The following SLC22A15 variants were observed in gnomAD, a reference collection of about 807,000 sequenced individuals.
SLC22A15 encodes solute carrier family 22 member 15.
A neutral mutation model predicts 62.7 loss-of-function variants in SLC22A15; 45 were observed. That is an observed-to-expected ratio of 0.72 (90% CI 0.56 to 0.92). SLC22A15 has a LOEUF of 0.92. SLC22A15 is among the 40% of genes least tolerant of loss of function. The pLI is 0.00. For synonymous variants in SLC22A15, 264 were observed against 267.0 expected (o/e 0.99, Z 0.11); for missense variants, 622 against 665.6 (o/e 0.93, Z 0.72).
chr1:116,045,751 A>AAAG (rs1231416994), intron 8 of SLC22A15, among the ~76,000 whole-genome samples: 1 of 151,566 alleles, frequency 6.6e-6, no homozygotes, highest in Non-Finnish European at 1.5e-5. Flanking sequence ...AAAAAAAAAA[A>AAAG]AAAAAAGACT....
intron 8 of SLC22A15, among the ~76,000 whole-genome samples, chr1:116,058,007 T>C (rs937134800): frequency 2.0e-5 from 3 of 151,252 alleles, no homozygotes; most frequent in Non-Finnish European, 2.9e-5. Flanking sequence ...TGTATACATA[T>C]GTAACTAACC....
At chr1:116,042,591 A>G (rs1382390321) in intron 8 of SLC22A15, among the ~76,000 whole-genome samples, 5 of 152,230 alleles carry the variant, frequency 3.3e-5, no homozygotes, top group Admixed American at 3.3e-4. Context: ...ATGCTTTGCA[A>G]ATTTGATAAA....
chr1:116,017,700 G>A (rs1249207025), intron 2 of SLC22A15: 1 of 152,428 alleles, frequency 6.6e-6, no homozygotes. Flanking sequence ...GGAGTGATCT[G>A]AAAAGTGGAG....
chr1:115,976,932 G>C (rs1654330071), intron 1 of SLC22A15, among the ~76,000 whole-genome samples: 1 of 152,108 alleles, frequency 6.6e-6, no homozygotes, highest in Non-Finnish European at 1.5e-5. Flanking sequence ...AGAGCCTCTT[G>C]GGTTCTGCTG....
intron 2 of SLC22A15, among the ~76,000 whole-genome samples, chr1:116,018,395 C>T (rs573672707): frequency 3.3e-5 from 5 of 152,146 alleles, no homozygotes; most frequent in South Asian, 4.2e-4. Flanking sequence ...GACGGAGTCT[C>T]GCTCTGTCTC....
chr1:115,982,303 A>T (rs1328662522), intron 1 of SLC22A15, among the ~76,000 whole-genome samples: 2 of 152,240 alleles, frequency 1.3e-5, no homozygotes, highest in East Asian at 3.8e-4. Context: ...AAGAGAAAAT[A>T]TAGAAATTAA....
In SLC22A15 at chr1:116,066,715, T is replaced by C; in HGVS notation, c.1554+7T>C. ...GGCTTTGGACCCCCAACAGGTGTGA[T>C]ATTTTTCTTAATTATTATACCGCTT... On this transcript the variant is annotated splice_region_variant and intron_variant, in intron 11 of 11. Coordinates refer to ENST00000369503, the MANE Select transcript of SLC22A15 (RefSeq NM_018420.3). 1.2e-6 allele frequency: 2 copies of C among 1,606,468 alleles called. No homozygotes were observed. The highest frequency in any genetic ancestry group is 1.7e-6 in the Non-Finnish European group (2 of 1,176,958).
At chr1:116,011,069 C>T (rs1053047969) in intron 2 of SLC22A15, among the ~76,000 whole-genome samples, 1 of 152,254 alleles carries the variant, frequency 6.6e-6, no homozygotes, top group African/African-American at 2.4e-5. Flanking sequence ...TGTGTTGGGA[C>T]TAGTGAACTA....
chr1:116,049,484 C>T (rs1658000861), intron 8 of SLC22A15, among the ~76,000 whole-genome samples: 1 of 152,146 alleles, frequency 6.6e-6, no homozygotes, highest in Admixed American at 6.5e-5. Flanking sequence ...ATTAAATAAC[C>T]TGCTCCTGAA....
chr1:116,063,986 C>G (rs566350988), intron 9 of SLC22A15, among the ~76,000 whole-genome samples: 1 of 152,170 alleles, frequency 6.6e-6, no homozygotes, highest in East Asian at 1.9e-4. Flanking sequence ...AAATGAGCAG[C>G]CTTTTCAGAT....
At chr1:116,059,866 C>T (rs1294112137) in intron 8 of SLC22A15, among the ~76,000 whole-genome samples, 2 of 152,182 alleles carry the variant, frequency 1.3e-5, no homozygotes, top group Non-Finnish European at 2.9e-5. Context: ...TCTGGAAAAC[C>T]TTCCAGAAAA....
intron 1 of SLC22A15, among the ~76,000 whole-genome samples, chr1:115,984,567 T>G (rs1478947973): frequency 2.0e-5 from 3 of 152,312 alleles, no homozygotes; most frequent in South Asian, 4.1e-4. Flanking sequence ...TTGCCTAGTA[T>G]TTCCTGTGCT....
chr1:116,019,560 C>T (rs755419772), intron 2 of SLC22A15, 22 bp from the exon 3 acceptor site: 8 of 1,577,790 alleles, frequency 5.1e-6, no homozygotes, highest in South Asian at 1.2e-5. Context: ...ACATGTCTCT[C>T]TTTTGTTTTA....
rs1202882343 is a variant in SLC22A15, at chr1:116,064,491, C to G, written c.1348C>G (p.Pro450Ala). Residue 450 changes from proline (P) to alanine (A), a missense_variant, in exon 10 of 12, where the codon CCC becomes GCC. Pro to Ala is a conservative substitution (Grantham distance 27). Coordinates refer to ENST00000369503, the MANE Select transcript of SLC22A15 (RefSeq NM_018420.3). Reference protein sequence around the residue: ...MFSRVGGIIAPFIPSLKYVQW... With the variant: ...MFSRVGGIIAAFIPSLKYVQW... ...CTCCCGAGTTGGTGGGATTATTGCT[C>G]CCTTCATCCCCTCACTGGTTGGTTT... 2.5e-6 allele frequency: 4 copies of G among 1,612,332 alleles called. No individual in the cohort carries two copies. The highest frequency in any genetic ancestry group is 2.2e-5 in the South Asian group (2 of 91,044).
At position 116,068,581 on chromosome 1, in the gene SLC22A15, C is replaced by T. The variant is rs551342609; in HGVS notation, c.*1473C>T. 1 of 152,308 alleles carries T rather than the reference C, an allele frequency of 6.6e-6. No homozygotes were observed. The highest frequency in any genetic ancestry group is 6.5e-5 in the Admixed American group (1 of 15,286). The allele number at this position is 152,308 out of a possible 1,614,324, so 9.4% of individuals were successfully genotyped here. A position where few individuals can be genotyped will look rare whatever the true frequency, so the allele number is the denominator to read the frequency against. ...GATTATTAGTTGGGCTCTTCATAAA[C>T]AGAGGCCATCTCTACTACTGTTTAT... On this transcript the variant is annotated 3_prime_UTR_variant, in exon 12 of 12. Coordinates refer to ENST00000369503, the MANE Select transcript of SLC22A15 (RefSeq NM_018420.3).
At chr1:115,977,219 G>C (rs182665236) in intron 1 of SLC22A15, among the ~76,000 whole-genome samples, 1 of 152,154 alleles carries the variant, frequency 6.6e-6, no homozygotes, top group Admixed American at 6.5e-5. Flanking sequence ...GCTTGAGGGG[G>C]CTTACTCTTC....
At chr1:116,054,753 C>G (rs909760734) in intron 8 of SLC22A15, among the ~76,000 whole-genome samples, 3 of 152,160 alleles carry the variant, frequency 2.0e-5, no homozygotes, top group Admixed American at 6.5e-5. Context: ...AAGAAACTCA[C>G]TCAAAACTGC....
intron 2 of SLC22A15, among the ~76,000 whole-genome samples, chr1:116,002,250 A>G (rs1307535558): frequency 6.6e-6 from 1 of 151,954 alleles, no homozygotes; most frequent in African/African-American, 2.4e-5. Context: ...TGACATAAGC[A>G]CTCTTTTGGT....
chr1:116,028,719 C>T (rs1250883474), intron 5 of SLC22A15, among the ~76,000 whole-genome samples: 2 of 152,008 alleles, frequency 1.3e-5, no homozygotes, highest in Non-Finnish European at 2.9e-5. Flanking sequence ...CAGTCAGCCT[C>T]CATTTATCTT....
Sources: allele counts gnomAD v4.1 joint callset (sites outside exome capture counted in the v4.1 genomes callset), GRCh38; gene constraint gnomAD v4.1.1; transcripts MANE v1.5; gene names NCBI Gene and HGNC (gene_info 2026-07-23, HGNC 2026-07-21).